The following PAX7 variants were observed in gnomAD, a reference collection of about 807,000 sequenced individuals.
PAX7 encodes paired box 7.
A neutral mutation model predicts 50.7 loss-of-function variants in PAX7; 18 were observed. That is an observed-to-expected ratio of 0.36 (90% confidence interval 0.25 to 0.53). The LOEUF (loss-of-function observed/expected upper bound fraction) is 0.53. Ranked by LOEUF, PAX7 falls within the 20% of genes least tolerant of loss-of-function variation. The pLI is 0.93. For missense variants in PAX7, 644 were observed against 702.9 expected, an observed-to-expected ratio of 0.92 and a Z score of 0.95; for synonymous variants, 310 against 290.4, an observed-to-expected ratio of 1.07 and a Z score of -0.69.
intron 8 of PAX7, among the ~76,000 whole-genome samples, chr1:18,739,244 C>A (rs1930986739): frequency 6.6e-6 from 1 of 152,194 alleles, no homozygotes; most frequent in Non-Finnish European, 1.5e-5. Context: ...GACCCAAAGT[C>A]TTCTAACTTC....
At chr1:18,657,519 T>C (rs572283433) in intron 4 of PAX7, among the ~76,000 whole-genome samples, 131 of 152,228 alleles carry the variant, frequency 8.6e-4, no homozygotes, top group Non-Finnish European at 1.5e-3. Context: ...TTTCTGTCAC[T>C]CTTTCCTCCT....
Position 18,735,871 on chromosome 1 carries a change from C to A in PAX7, c.1395C>A (p.Tyr465Ter), listed in dbSNP as rs143552197. The change falls in exon 8 of 9, where the codon TAC (tyrosine) becomes TAA (stop). Residue 465 changes from tyrosine (Y) to a stop codon, truncating the protein, a stop_gained. Transcript: ENST00000420770. LOFTEE classifies it high-confidence loss of function. The surrounding 1 kb of genome is among the most constrained non-coding windows in gnomAD (Gnocchi z 4.0). ...DPVAGYQYGQ[Y>*]GQTAVDYLAK... ...TGGCCGGCTATCAGTACGGCCAGTA[C>A]GGCCAGAGTGAGTGCCTGGTGCCCT... 4 of 1,614,110 alleles carry A rather than the reference C, an allele frequency of 2.5e-6. No homozygotes were observed. The highest frequency in any genetic ancestry group is 1.7e-5 in the Admixed American group (1 of 60,028).
intron 7 of PAX7, among the ~76,000 whole-genome samples, chr1:18,708,272 G>A (rs574863058): frequency 6.6e-6 from 1 of 152,212 alleles, no homozygotes; most frequent in East Asian, 1.9e-4. Flanking sequence ...AAACAACTTA[G>A]AGGTGGGGTG....
chr1:18,686,255 C>T (rs1222140123), intron 4 of PAX7, among the ~76,000 whole-genome samples: 2 of 152,198 alleles, frequency 1.3e-5, no homozygotes, highest in African/African-American at 2.4e-5. Context: ...CTGCAATTCT[C>T]CTTTGCTCAG....
chr1:18,691,889 A>G lies in PAX7; in HGVS notation c.722A>G (p.Tyr241Cys). Residue 241 changes from tyrosine to cysteine, a missense_variant, in exon 5 of 9, where the codon TAC becomes TGC. Tyr to Cys is a radical substitution (Grantham distance 194). Transcript: ENST00000420770. ...ELEKAFERTH[Y>C]PDIYTREELA... ...GAGAAGGCCTTTGAGAGGACCCACT[A>G]CCCAGACATATACACCCGCGAGGAG... 1 of 1,613,930 alleles carries G rather than the reference A, an allele frequency of 6.2e-7. No individual in the cohort carries two copies. The highest frequency in any genetic ancestry group is 8.5e-7 in the Non-Finnish European group (1 of 1,179,988).
intron 7 of PAX7, among the ~76,000 whole-genome samples, chr1:18,711,547 G>T (rs1479964969): frequency 1.3e-5 from 2 of 152,158 alleles, no homozygotes; most frequent in African/African-American, 4.8e-5. Flanking sequence ...TAAGTCTGGG[G>T]AGGAGAAGGT....
intron 7 of PAX7, among the ~76,000 whole-genome samples, chr1:18,721,722 C>T (rs2100370081): frequency 6.6e-6 from 1 of 152,352 alleles, no homozygotes; most frequent in Admixed American, 6.5e-5. Flanking sequence ...ACCATTTCTG[C>T]TCCGTCAGTG....
At chr1:18,677,695 G>A (rs868281380) in intron 4 of PAX7, among the ~76,000 whole-genome samples, 14 of 152,286 alleles carry the variant, frequency 9.2e-5, no homozygotes, top group African/African-American at 3.1e-4. Flanking sequence ...TGTGACTCTG[G>A]GGAAGCTTAA....
intron 4 of PAX7, among the ~76,000 whole-genome samples, chr1:18,662,969 G>T (rs2088621681): frequency 6.6e-6 from 1 of 152,004 alleles, no homozygotes; most frequent in South Asian, 2.1e-4. Context: ...AAGCTTGTCA[G>T]CCTCTGCTTC....
intron 1 of PAX7, 89 bp downstream of exon 1, chr1:18,631,777 G>A (rs777819523): frequency 4.5e-6 from 5 of 1,099,896 alleles, no homozygotes; most frequent in Non-Finnish European, 4.1e-6. Flanking sequence ...GGACGGTGGC[G>A]GCGCCGGCGA....
chr1:18,729,655 G>T (rs1557556589), intron 7 of PAX7, among the ~76,000 whole-genome samples: 1 of 152,180 alleles, frequency 6.6e-6, no homozygotes, highest in Non-Finnish European at 1.5e-5. Flanking sequence ...TGTGGTGTGG[G>T]CTGCCCTGTG....
intron 4 of PAX7, among the ~76,000 whole-genome samples, chr1:18,647,046 G>A (rs1158346999): frequency 6.7e-6 from 1 of 148,288 alleles, no homozygotes; most frequent in Non-Finnish European, 1.5e-5. Flanking sequence ...GGAGGGGGAG[G>A]GGCGACCCGC....
At chr1:18,711,593 G>A (rs1032183848) in intron 7 of PAX7, among the ~76,000 whole-genome samples, 6 of 152,136 alleles carry the variant, frequency 3.9e-5, no homozygotes, top group Non-Finnish European at 5.9e-5. Flanking sequence ...GCAGAAAGCA[G>A]GGGAAAGGCT....
intron 3 of PAX7, 31 bp downstream of exon 3, chr1:18,635,271 C>T (rs773711564): frequency 1.9e-6 from 3 of 1,610,774 alleles, no homozygotes; most frequent in South Asian, 1.1e-5. Context: ...GCAGAGCTGG[C>T]CCAGAGTGTG....
rs1239523711 is a variant in PAX7, at chr1:18,726,095, C to A, written c.1156-9537C>A. Among the ~76,000 whole-genome samples, 2 of 151,020 alleles carry A rather than the reference C, an allele frequency of 1.3e-5. No individual in the cohort carries two copies. Among genetic ancestry groups the A allele is most frequent in the African/African-American group, 4.9e-5 (2 of 40,688 alleles). On this transcript the variant is annotated intron_variant, in intron 7 of 8. Coordinates refer to ENST00000420770, the MANE Select transcript of PAX7 (RefSeq NM_001135254.2). The surrounding 1 kb of genome is among the most constrained non-coding windows in gnomAD (Gnocchi z 4.8). ...GAATGCCATTCTGTTCCTCCCTCCGCCCCCACCTCACCTCTAGACATCTTA... is the reference window on the plus strand; with the variant it reads ...GAATGCCATTCTGTTCCTCCCTCCGACCCCACCTCACCTCTAGACATCTTA...
Position 18,631,408 on chromosome 1 carries a change from C to A in PAX7, c.-196C>A. On this transcript the variant is annotated 5_prime_UTR_variant, in exon 1 of 9. Transcript: ENST00000420770. ...CCAACCTCCACCCCACCTCACCCCC[C>A]TCCCCAGCTTCTGGACGCGTTTGAC... 1.7e-6 allele frequency: 1 copy of A among 591,798 alleles called. No homozygotes were observed. The highest frequency in any genetic ancestry group is 2.1e-5 in the South Asian group (1 of 47,686). The allele number at this position is 591,798 out of a possible 1,614,324, so 36.7% of individuals were successfully genotyped here.
At chr1:18,669,330 C>T (rs901716454) in intron 4 of PAX7, among the ~76,000 whole-genome samples, 1 of 152,214 alleles carries the variant, frequency 6.6e-6, no homozygotes, top group African/African-American at 2.4e-5. Flanking sequence ...TAGAGCTCCA[C>T]AGCTGGTGTC....
chr1:18,690,022 T>C (rs138457667), intron 4 of PAX7, among the ~76,000 whole-genome samples: 2,471 of 152,284 alleles, frequency 0.016, 41 homozygotes, highest in Middle Eastern at 0.041. Context: ...TCACGTTACC[T>C]TTCTGGGACT....
At chr1:18,647,024 G>A (rs1309850306) in intron 4 of PAX7, among the ~76,000 whole-genome samples, 2 of 147,364 alleles carry the variant, frequency 1.4e-5, no homozygotes, top group Non-Finnish European at 3.0e-5. Context: ...GAGGTGGGGT[G>A]GGGGAAGGGC....
Sources: gnomAD v4.1 joint callset for allele counts (sites outside exome capture counted in the v4.1 genomes callset) on GRCh38, gnomAD v4.1.1 for gene constraint, Gnocchi (gnomAD v3.1) non-coding constraint, MANE v1.5 for transcripts, NCBI Gene and HGNC (gene_info 2026-07-23, HGNC 2026-07-21) for gene names.